Variants in CHD5 observed in about 807,000 individuals in gnomAD.
The protein encoded by CHD5 is ATP-dependent chromatin remodeler CHD5.
In CHD5, 69 loss-of-function variants were observed where a neutral mutation model predicts 230.3. The observed-to-expected ratio is 0.30, with a 90% CI of 0.25 to 0.37. CHD5 has a LOEUF of 0.37. CHD5 is among the 10% of genes least tolerant of loss of function. The pLI, the probability that CHD5 is intolerant of heterozygous loss-of-function variation, is 1.00. For missense variants in CHD5, 1,827 were observed against 2,622.8 expected, an observed-to-expected ratio of 0.70 and a Z score of 6.63; for synonymous variants, 1,064 against 1,065.9, an observed-to-expected ratio of 1.00 and a Z score of 0.03.
At chr1:6,111,986 C>A (rs113883929) in intron 35 of CHD5, 103 bp from the exon 36 acceptor site, 4 of 1,366,194 alleles carry the variant, frequency 2.9e-6, no homozygotes, top group East Asian at 2.4e-5. Flanking sequence ...GCCTCCACCC[C>A]CAGAGGTCCA....
chr1:6,169,958 G>A (rs1052121294), intron 1 of CHD5, among the ~76,000 whole-genome samples: 14 of 152,262 alleles, frequency 9.2e-5, no homozygotes, highest in African/African-American at 3.4e-4. Context: ...AGAGCCTGAG[G>A]GTTGCCTCCA....
Position 6,121,677 on chromosome 1 carries a change from A to T in CHD5, c.4700-104T>A. 1.3e-6 allele frequency: 1 copy of T among 747,256 alleles called. No individual in the cohort carries two copies. The highest frequency in any genetic ancestry group is 2.2e-6 in the Non-Finnish European group (1 of 446,144). The allele number at this position is 747,256 out of a possible 1,614,324, so 46.3% of individuals were successfully genotyped here. ...GAGAGATGGGGGCTTGGCCTTCGGG[A>T]GGCTCCACTGCAGCCAAGCACCTCC... On this transcript the variant is annotated intron_variant, in intron 31 of 41. Coordinates refer to ENST00000262450, the MANE Select transcript of CHD5 (RefSeq NM_015557.3). This position sits in a 1 kb window ranked among gnomAD's most constrained non-coding sequence, Gnocchi z 4.5.
At chr1:6,119,183 G>C (rs369380861) in intron 33 of CHD5, among the ~76,000 whole-genome samples, 79 of 151,670 alleles carry the variant, frequency 5.2e-4, no homozygotes, top group African/African-American at 1.9e-3. Flanking sequence ...ATCTCGCTCT[G>C]TCACCCAGGC....
rs138033958 is a variant in CHD5 at position 6,136,375 on chromosome 1, G to A, written c.2696+142C>T. 1.8e-3 allele frequency: 1,738 copies of A among 948,420 alleles called. 22 individuals are homozygous for A. The African/African-American group carries it at 0.024, about 13-fold the overall frequency. 58.8% of individuals were successfully genotyped at this position (948,420 alleles called of 1,614,324 possible). A position where few individuals can be genotyped will look rare whatever the true frequency, so the allele number is the denominator to read the frequency against. ...CCCTGCTCCTGCAGGAGGTCAAAGC[G>A]GGGACATTGCTAATGCTCCCATTTT... On this transcript the variant is annotated intron_variant, in intron 17 of 41. Coordinates refer to ENST00000262450, the MANE Select transcript of CHD5 (RefSeq NM_015557.3).
chr1:6,119,827 G>A lies in CHD5; in HGVS notation c.4912+1278C>T, dbSNP rs147813164. 5.5e-4 allele frequency among the ~76,000 whole-genome samples: 80 copies of A among 146,566 alleles called. 1 individual carries two copies. In the East Asian group the frequency reaches 0.012, roughly 23 times the overall value. On this transcript the variant is annotated intron_variant, in intron 33 of 41. Transcript: ENST00000262450. ...CGTACATATATACGTATATATATAC[G>A]TGTATATGTATATATGTGTGTATTA...
chr1:6,161,258 G>A (rs1279506098), intron 2 of CHD5, among the ~76,000 whole-genome samples: 3 of 152,122 alleles, frequency 2.0e-5, no homozygotes, highest in Non-Finnish European at 4.4e-5. Flanking sequence ...TGTCAAGAGG[G>A]GATGACCTGC....
In CHD5 at chr1:6,113,002, CA is replaced by C. The variant is rs1557537308; in HGVS notation, c.4913-5del. ...TCCTTCTCAGGAAGCACCTCCTCTG[CA>C]AGAAAAAGAGGGTTCGCGGCATGGG... On this transcript the variant is annotated splice_polypyrimidine_tract_variant and splice_region_variant and intron_variant, in intron 33 of 41. Transcript: ENST00000262450. The C allele has an allele frequency of 6.2e-7, 1 of 1,609,354 alleles. No homozygotes were observed. Among genetic ancestry groups the C allele is most frequent in the East Asian group, 2.2e-5 (1 of 44,868 alleles).
chr1:6,112,877 G>GTAGAGAA, intron 34 of CHD5, 32 bp downstream of exon 34: 3 of 1,527,808 alleles, frequency 2.0e-6, no homozygotes, highest in Non-Finnish European at 2.7e-6. Flanking sequence ...GGACCATGGG[G>GTAGAGAA]CACAGGTAGA....
chr1:6,162,340 C>T (rs1262323021), intron 2 of CHD5, among the ~76,000 whole-genome samples: 1 of 151,340 alleles, frequency 6.6e-6, no homozygotes, highest in African/African-American at 2.4e-5. Flanking sequence ...GAGCCGAGAT[C>T]GCACCATTGT....
At position 6,144,141 on chromosome 1, in the gene CHD5, C is replaced by T. The variant is rs747386923; in HGVS notation, c.1817G>A (p.Gly606Glu). 1.2e-6 allele frequency: 2 copies of T among 1,614,130 alleles called. No individual in the cohort carries two copies. The highest frequency in any genetic ancestry group is 8.5e-7 in the Non-Finnish European group (1 of 1,180,032). The change falls in exon 12 of 42, where the codon GGG (glycine) becomes GAG (glutamate). Residue 606 changes from glycine to glutamate, a missense_variant. Gly to Glu is a moderately conservative substitution (Grantham distance 98). Transcript: ENST00000262450. ...RILNHSFDKK[G>E]DVHYLIKWKD... ...CCACTTGATCAGGTAGTGCACATCC[C>T]CCTTCTTGTCAAAGCTGCAACACGG... is the stretch of plus-strand genomic sequence containing the variant.
At chr1:6,151,739 C>T (rs1292439402) in intron 6 of CHD5, among the ~76,000 whole-genome samples, 1 of 152,232 alleles carries the variant, frequency 6.6e-6, no homozygotes, top group East Asian at 1.9e-4. Flanking sequence ...TGCTCCCCTC[C>T]AGACCTAACA....
intron 37 of CHD5, 150 bp from the exon 38 acceptor site, chr1:6,110,140 G>A: frequency 3.3e-6 from 3 of 918,444 alleles, no homozygotes; most frequent in Non-Finnish European, 3.2e-6. Context: ...CCTGGTGGTG[G>A]CCAACCCTTG....
At chr1:6,159,189 G>A (rs559126268) in intron 3 of CHD5, 147 bp downstream of exon 3, 46 of 1,409,086 alleles carry the variant, frequency 3.3e-5, no homozygotes, top group Admixed American at 1.0e-4. Context: ...CCGAGGTCAC[G>A]CCACTGCACT....
At chr1:6,122,567 AAC>A (rs1666488539) in intron 31 of CHD5, among the ~76,000 whole-genome samples, 1 of 152,206 alleles carries the variant, frequency 6.6e-6, no homozygotes, top group Non-Finnish European at 1.5e-5. Context: ...TGCTTTGGAA[AAC>A]AGTCTAGTAG....
chr1:6,178,386 G>A (rs1185173214), intron 1 of CHD5, among the ~76,000 whole-genome samples: 1 of 152,114 alleles, frequency 6.6e-6, no homozygotes, highest in Non-Finnish European at 1.5e-5. Context: ...CAGCGGGTCG[G>A]TGCAACCCCA....
intron 31 of CHD5, among the ~76,000 whole-genome samples, chr1:6,123,212 G>GC (rs546045439): frequency 7.8e-4 from 118 of 152,236 alleles, no homozygotes; most frequent in African/African-American, 2.6e-3. Flanking sequence ...AGACAGAAAG[G>GC]CCCACGCACT....
chr1:6,149,826 G>C (rs1012502518), intron 7 of CHD5, among the ~76,000 whole-genome samples: 2 of 151,248 alleles, frequency 1.3e-5, no homozygotes, highest in African/African-American at 4.9e-5. Context: ...TGGAAGGATG[G>C]ATGGATGATG....
chr1:6,179,976 G>C lies in CHD5; in HGVS notation c.48C>G (p.Ala16=), dbSNP rs954852361. Residue 16 remains alanine (A), a synonymous_variant, in exon 1 of 42, where the codon GCC becomes GCG. Transcript: ENST00000262450. ...GTEEELPRLF[A]EEMENEDEMS... ...TCTCGTCCTCATTCTCCATCTCCTC[G>C]GCGAACAGCCGCGGCAGCTCCTCCT... The C allele has an allele frequency of 2.2e-6, 3 of 1,381,524 alleles. No individual in the cohort carries two copies. The highest frequency in any genetic ancestry group is 2.5e-5 in the Admixed American group (1 of 40,742). 85.6% of individuals were successfully genotyped at this position (1,381,524 alleles called of 1,614,324 possible). A position where few individuals can be genotyped will look rare whatever the true frequency, so the allele number is the denominator to read the frequency against.
Position 6,155,625 on chromosome 1 carries a change from G to A in CHD5, c.480C>T (p.Asn160=). Residue 160 remains asparagine (N), a synonymous_variant, in exon 4 of 42, where the codon AAC becomes AAT. Coordinates refer to ENST00000262450, the MANE Select transcript of CHD5 (RefSeq NM_015557.3). The surrounding 1 kb of genome is among the most constrained non-coding windows in gnomAD (Gnocchi z 4.0). The stretch of plus-strand genomic sequence containing the variant: ...TGAGGAACTGGCTGAAGGCCTTGTA[G>A]TTGGTCAGCGTGTGGTAATCCTCCT... The part of the protein sequence containing the change: ...FSEEDYHTLT[N]YKAFSQFLRP... 1 of 1,614,144 alleles carries A rather than the reference G, an allele frequency of 6.2e-7. No individual in the cohort carries two copies. Among genetic ancestry groups the A allele is most frequent in the Non-Finnish European group, 8.5e-7 (1 of 1,179,996 alleles).
Sources: allele counts gnomAD v4.1 joint callset (sites outside exome capture counted in the v4.1 genomes callset), GRCh38; gene constraint gnomAD v4.1.1; non-coding constraint Gnocchi (gnomAD v3.1); transcripts MANE v1.5; gene names NCBI Gene and HGNC (gene_info 2026-07-23, HGNC 2026-07-21).